Variants in DPP10 observed in about 807,000 individuals in gnomAD.
The protein encoded by DPP10 is dipeptidyl peptidase like 10.
Under a neutral mutation model 120.9 loss-of-function variants are expected in DPP10, and 33 were observed. The observed-to-expected ratio is 0.27, with a 90% CI of 0.21 to 0.37. The LOEUF is 0.37. DPP10 is among the 10% of genes least tolerant of loss of function. DPP10 has a pLI of 1.00. For synonymous variants in DPP10, 337 were observed against 326.1 expected, an observed-to-expected ratio of 1.03 and a Z score of -0.36; for missense variants, 816 against 942.8, an observed-to-expected ratio of 0.87 and a Z score of 1.76.
intron 5 of DPP10, among the ~76,000 whole-genome samples, chr2:115,668,420 G>C (rs1204515347): frequency 1.3e-5 from 2 of 152,086 alleles, no homozygotes; most frequent in African/African-American, 4.8e-5. Context: ...ACCATGTGAT[G>C]CCTTCCACAA....
At chr2:115,584,824 T>C (rs1399627782) in intron 5 of DPP10, among the ~76,000 whole-genome samples, 1 of 152,162 alleles carries the variant, frequency 6.6e-6, no homozygotes, top group African/African-American at 2.4e-5. Context: ...GTGATGGGTG[T>C]CATTTTGGGT....
intron 7 of DPP10, among the ~76,000 whole-genome samples, chr2:115,726,909 T>C (rs1048945006): frequency 2.0e-5 from 3 of 150,304 alleles, no homozygotes; most frequent in Non-Finnish European, 4.4e-5. Context: ...ACCTTCTTAG[T>C]AGAATGTTTG....
At chr2:115,456,167 C>G (rs1353792843) in intron 3 of DPP10, among the ~76,000 whole-genome samples, 1 of 152,124 alleles carries the variant, frequency 6.6e-6, no homozygotes, top group African/African-American at 2.4e-5. Flanking sequence ...ACAGACTCTT[C>G]TCAAAAGAAG....
At chr2:115,475,257 A>C (rs1382766519) in intron 3 of DPP10, among the ~76,000 whole-genome samples, 1 of 152,198 alleles carries the variant, frequency 6.6e-6, no homozygotes, top group Non-Finnish European at 1.5e-5. Flanking sequence ...TACTCCCTGC[A>C]TCCCAGTCAC....
chr2:115,622,026 A>T (rs1381012871), intron 5 of DPP10, among the ~76,000 whole-genome samples: 1 of 152,212 alleles, frequency 6.6e-6, no homozygotes, highest in Non-Finnish European at 1.5e-5. Flanking sequence ...TTTACCTGCT[A>T]TAAAGTTACT....
chr2:114,484,237 C>A (rs1231084811), intron 1 of DPP10, among the ~76,000 whole-genome samples: 3 of 152,120 alleles, frequency 2.0e-5, no homozygotes, highest in Non-Finnish European at 2.9e-5. Context: ...GGGATCCACT[C>A]TAGACTTGCG....
intron 1 of DPP10, among the ~76,000 whole-genome samples, chr2:114,923,472 CTTTTTTTTTTTTTT>C (rs71394115): frequency 1.4e-5 from 1 of 69,420 alleles, no homozygotes; most frequent in South Asian, 5.1e-4. Flanking sequence ...GCCTTTTTTC[CTTTTTTTTTTTTTT>C]TTTTTTTTTT....
intron 3 of DPP10, among the ~76,000 whole-genome samples, chr2:115,357,560 A>G (rs190766166): frequency 6.6e-6 from 1 of 152,284 alleles, no homozygotes; most frequent in East Asian, 1.9e-4. Context: ...TTGTGTGTGC[A>G]GCTTTTCCAG....
At chr2:115,733,182 T>C (rs2092951820) in intron 8 of DPP10, among the ~76,000 whole-genome samples, 1 of 152,198 alleles carries the variant, frequency 6.6e-6, no homozygotes, top group South Asian at 2.1e-4. Context: ...TACACTTTTT[T>C]TGTTGAAATA....
intron 1 of DPP10, among the ~76,000 whole-genome samples, chr2:114,701,200 T>C (rs1362273394): frequency 2.0e-5 from 3 of 152,122 alleles, no homozygotes; most frequent in Admixed American, 2.0e-4. Context: ...TGCTAACATT[T>C]GTGGAGTGCT....
At chr2:115,701,086 G>T (rs986284016) in intron 7 of DPP10, among the ~76,000 whole-genome samples, 1 of 151,964 alleles carries the variant, frequency 6.6e-6, no homozygotes, top group African/African-American at 2.4e-5. Flanking sequence ...ATATAGAAAA[G>T]CCTATCCTAG....
At chr2:115,790,561 C>T (rs1217224506) in intron 17 of DPP10, among the ~76,000 whole-genome samples, 1 of 152,144 alleles carries the variant, frequency 6.6e-6, no homozygotes, top group African/African-American at 2.4e-5. Context: ...TTTTGTTCTT[C>T]AGTGCCTAAT....
At chr2:114,557,050 G>A (rs12711799) in intron 1 of DPP10, among the ~76,000 whole-genome samples, 106,384 of 149,310 alleles carry the variant, frequency 0.71, 39,190 homozygotes, top group South Asian at 0.85. Flanking sequence ...AGAGAAAAGT[G>A]CTATTTGTTG....
At chr2:114,892,698 G>A (rs1692639367) in intron 1 of DPP10, among the ~76,000 whole-genome samples, 1 of 152,136 alleles carries the variant, frequency 6.6e-6, no homozygotes, top group South Asian at 2.1e-4. Context: ...GATAAGCCCT[G>A]TACATTGCCT....
At chr2:115,360,039 T>G (rs2064665577) in intron 3 of DPP10, among the ~76,000 whole-genome samples, 1 of 152,238 alleles carries the variant, frequency 6.6e-6, no homozygotes, top group Non-Finnish European at 1.5e-5. Context: ...GGATTGGGTT[T>G]CAGCTTTCTC....
intron 1 of DPP10, among the ~76,000 whole-genome samples, chr2:114,720,703 A>G (rs1484499545): frequency 6.6e-6 from 1 of 152,202 alleles, no homozygotes; most frequent in Non-Finnish European, 1.5e-5. Context: ...ACTAGTGCTC[A>G]CCCATATCTG....
At chr2:115,296,724 C>G (rs1171952965) in intron 1 of DPP10, among the ~76,000 whole-genome samples, 1 of 152,056 alleles carries the variant, frequency 6.6e-6, no homozygotes, top group Non-Finnish European at 1.5e-5. Flanking sequence ...TTTTGTTCTT[C>G]TGATGTTTAA....
chr2:114,781,926 A>G (rs1032650804), intron 1 of DPP10, among the ~76,000 whole-genome samples: 16 of 152,144 alleles, frequency 1.1e-4, no homozygotes, highest in Admixed American at 7.9e-4. Context: ...TAATAAAAAC[A>G]TATAAGGTGT....
chr2:115,521,243 G>A (rs2077789526), intron 4 of DPP10, among the ~76,000 whole-genome samples: 1 of 152,194 alleles, frequency 6.6e-6, no homozygotes, highest in African/African-American at 2.4e-5. Flanking sequence ...GGCCCACCCG[G>A]TAGAGCATGT....
Sources: allele counts gnomAD v4.1 joint callset (sites outside exome capture counted in the v4.1 genomes callset), GRCh38; gene constraint gnomAD v4.1.1; transcripts MANE v1.5; gene names NCBI Gene and HGNC (gene_info 2026-07-23, HGNC 2026-07-21).